The following MYO5A variants were observed in gnomAD, a reference collection of about 807,000 sequenced individuals.
The protein encoded by MYO5A is myosin VA, also known as unconventional myosin-Va.
MYO5A carries 98 observed loss-of-function variants against 249.7 expected under a neutral mutation model. The ratio of observed to expected loss-of-function variants is 0.39; its 90% confidence interval spans 0.33 to 0.46. The LOEUF is 0.46. MYO5A is among the 20% of genes least tolerant of loss of function. MYO5A has a pLI of 0.98. For missense variants in MYO5A, 1,696 were observed against 2,308.8 expected (o/e 0.73, Z 5.44); for synonymous variants, 778 against 810.6 (o/e 0.96, Z 0.68).
chr15:52,377,025 A>G (rs1019370085), intron 18 of MYO5A, among the ~76,000 whole-genome samples: 2 of 151,918 alleles, frequency 1.3e-5, no homozygotes, highest in African/African-American at 4.8e-5. Context: ...CCAAAAACCA[A>G]AATCCTTGGG....
chr15:52,331,606 A>G (rs1223181165), intron 34 of MYO5A: 1 of 895,644 alleles, frequency 1.1e-6, no homozygotes, highest in African/African-American at 1.8e-5. Context: ...ACGAGGTGTC[A>G]GTAGTGCTTC....
intron 23 of MYO5A, among the ~76,000 whole-genome samples, chr15:52,365,822 T>C (rs1290805209): frequency 6.6e-6 from 1 of 152,260 alleles, no homozygotes; most frequent in Non-Finnish European, 1.5e-5. Flanking sequence ...AAACTCACTG[T>C]CATTTCTTTG....
chr15:52,415,384 C>T (rs2043432210), intron 5 of MYO5A, among the ~76,000 whole-genome samples: 1 of 152,202 alleles, frequency 6.6e-6, no homozygotes, highest in Non-Finnish European at 1.5e-5. Flanking sequence ...AGATAATTAT[C>T]TACAAATCCT....
intron 1 of MYO5A, among the ~76,000 whole-genome samples, chr15:52,487,292 C>T (rs996033613): frequency 4.6e-5 from 7 of 151,866 alleles, no homozygotes; most frequent in African/African-American, 1.2e-4. Context: ...GACACACACC[C>T]GTAGTTCCAG....
intron 20 of MYO5A, among the ~76,000 whole-genome samples, chr15:52,374,655 G>A (rs1191672636): frequency 6.6e-6 from 1 of 152,222 alleles, no homozygotes; most frequent in Non-Finnish European, 1.5e-5. Flanking sequence ...GGACTGATGT[G>A]GCTACAAGCA....
chr15:52,328,541 A>G (rs958783457), intron 35 of MYO5A, among the ~76,000 whole-genome samples: 10 of 152,214 alleles, frequency 6.6e-5, no homozygotes, highest in Admixed American at 2.6e-4. Context: ...CAGATGTCCC[A>G]TGGAGGCCAC....
chr15:52,314,922 G>A (rs2037926712), intron 40 of MYO5A, among the ~76,000 whole-genome samples: 1 of 152,134 alleles, frequency 6.6e-6, no homozygotes, highest in Non-Finnish European at 1.5e-5. Flanking sequence ...GCCACATGTG[G>A]CTATTAACAC....
chr15:52,388,180 T>A (rs2042051145), intron 13 of MYO5A, among the ~76,000 whole-genome samples: 1 of 152,190 alleles, frequency 6.6e-6, no homozygotes, highest in Admixed American at 6.6e-5. Context: ...GGTGAGCAGA[T>A]TAGATCCTCT....
At chr15:52,344,498 C>G (rs2039524119) in intron 30 of MYO5A, among the ~76,000 whole-genome samples, 1 of 152,210 alleles carries the variant, frequency 6.6e-6, no homozygotes, top group Non-Finnish European at 1.5e-5. Flanking sequence ...ATAAACCAAA[C>G]AGCTTTCTGA....
At chr15:52,493,960 G>C (rs2076986506) in intron 1 of MYO5A, among the ~76,000 whole-genome samples, 1 of 152,102 alleles carries the variant, frequency 6.6e-6, no homozygotes, top group African/African-American at 2.4e-5. Context: ...TACAAGAGTA[G>C]AAAAAAACAA....
chr15:52,369,092 T>C (rs2040964794), intron 22 of MYO5A, among the ~76,000 whole-genome samples: 2 of 152,222 alleles, frequency 1.3e-5, no homozygotes, highest in African/African-American at 4.8e-5. Flanking sequence ...CACTGCTGTT[T>C]CTATATATAG....
chr15:52,425,743 A>G, intron 4 of MYO5A, 87 bp downstream of exon 4: 1 of 1,451,324 alleles, frequency 6.9e-7, no homozygotes, highest in Non-Finnish European at 9.6e-7. Flanking sequence ...CAAGGTTGCC[A>G]TTCACTTTAA....
chr15:52,408,056 TA>T lies in MYO5A; in HGVS notation c.838+2del, dbSNP rs2043087513. 1 of 1,550,458 alleles carries T rather than the reference TA, an allele frequency of 6.4e-7. No homozygotes were observed. The highest frequency in any genetic ancestry group is 1.4e-5 in the African/African-American group (1 of 73,538). ...AACAATAAATTTAATGCCATATTCA[TA>T]CCTAATCGTAGCATTTTAAATTCAG... On this transcript the variant is annotated splice_donor_variant, in intron 7 of 41. Coordinates refer to ENST00000399233, the MANE Select transcript of MYO5A (RefSeq NM_001382347.1). LOFTEE classifies it high-confidence loss of function.
intron 4 of MYO5A, among the ~76,000 whole-genome samples, chr15:52,418,862 T>C (rs180870679): frequency 4.6e-5 from 7 of 152,294 alleles, no homozygotes; most frequent in East Asian, 1.9e-4. Context: ...TCTTTCCTTA[T>C]AGTTTTCATT....
At chr15:52,519,450 A>G (rs1204898063) in intron 1 of MYO5A, among the ~76,000 whole-genome samples, 3 of 152,044 alleles carry the variant, frequency 2.0e-5, no homozygotes, top group African/African-American at 7.2e-5. Flanking sequence ...CTGTCTCTAC[A>G]AAAATTAAAA....
intron 1 of MYO5A, among the ~76,000 whole-genome samples, chr15:52,438,702 T>C (rs1221212555): frequency 1.3e-5 from 2 of 152,218 alleles, no homozygotes; most frequent in Non-Finnish European, 2.9e-5. Context: ...GGAGGGACAA[T>C]GATCGGGATA....
At chr15:52,330,150 G>A (rs575415556) in intron 35 of MYO5A, among the ~76,000 whole-genome samples, 241 of 152,176 alleles carry the variant, frequency 1.6e-3, no homozygotes, top group African/African-American at 5.6e-3. Context: ...AGCAATCCTT[G>A]TAGGTGGGTC....
chr15:52,364,048 C>T (rs2040680906), intron 24 of MYO5A, among the ~76,000 whole-genome samples: 1 of 152,082 alleles, frequency 6.6e-6, no homozygotes, highest in Admixed American at 6.5e-5. Flanking sequence ...ACCATCCTGG[C>T]CAACATGGTG....
chr15:52,491,018 C>T (rs534859725), intron 1 of MYO5A, among the ~76,000 whole-genome samples: 2 of 152,220 alleles, frequency 1.3e-5, no homozygotes, highest in East Asian at 3.9e-4. Flanking sequence ...CCATGCCTGG[C>T]CTGGTTGTAC....
Sources: gnomAD v4.1 joint callset for allele counts (sites outside exome capture counted in the v4.1 genomes callset) on GRCh38, gnomAD v4.1.1 for gene constraint, MANE v1.5 for transcripts, NCBI Gene and HGNC (gene_info 2026-07-23, HGNC 2026-07-21) for gene names.